DOCK1: variants seen among roughly 807,000 people sequenced by gnomAD.
DOCK1 encodes the protein dedicator of cytokinesis protein 1.
A neutral mutation model predicts 262.7 loss-of-function variants in DOCK1; 138 were observed. The ratio of observed to expected loss-of-function variants is 0.53; its 90% CI spans 0.46 to 0.61. DOCK1 has a LOEUF of 0.61. Among genes scored for constraint, DOCK1 ranks in the 20% least tolerant of loss-of-function variants. The pLI, the probability that DOCK1 is intolerant of heterozygous loss-of-function variation, is 0.00. For missense variants in DOCK1, 1,908 were observed against 2,370.7 expected (o/e 0.80, Z 4.05); for synonymous variants, 866 against 867.4 (o/e 1.00, Z 0.03).
chr10:127,191,596 A>C (rs761410377), intron 27 of DOCK1, among the ~76,000 whole-genome samples: 10 of 152,234 alleles, frequency 6.6e-5, no homozygotes, highest in Non-Finnish European at 1.3e-4. Context: ...AAAAACATGA[A>C]GAAGGACCAT....
At chr10:127,354,435 C>T (rs964470096) in intron 31 of DOCK1, among the ~76,000 whole-genome samples, 2 of 152,208 alleles carry the variant, frequency 1.3e-5, no homozygotes, top group Non-Finnish European at 2.9e-5. Context: ...AGTTCCTCCA[C>T]GTTCCCACCG....
chr10:126,947,034 A>C (rs985189117), intron 1 of DOCK1, among the ~76,000 whole-genome samples: 3 of 152,206 alleles, frequency 2.0e-5, no homozygotes, highest in Non-Finnish European at 4.4e-5. Flanking sequence ...GATGCGGTCC[A>C]AGGACTGGTA....
At chr10:127,354,287 G>A (rs2064028317) in intron 31 of DOCK1, among the ~76,000 whole-genome samples, 1 of 152,208 alleles carries the variant, frequency 6.6e-6, no homozygotes, top group South Asian at 2.1e-4. Context: ...ACTTTGGAAA[G>A]CAACCTGTTG....
chr10:127,052,925 C>A (rs2044841258), intron 22 of DOCK1, 110 bp downstream of exon 22: 6 of 1,464,508 alleles, frequency 4.1e-6, no homozygotes, highest in Non-Finnish European at 5.5e-6. Context: ...CTTCTTCCCC[C>A]TTTTTCCCCC....
At position 127,437,434 on chromosome 10, in the gene DOCK1, A is replaced by G. The variant is rs2069765944; in HGVS notation, c.5061-1593A>G. On this transcript the variant is annotated intron_variant, in intron 48 of 51. Coordinates refer to ENST00000623213, the MANE Select transcript of DOCK1 (RefSeq NM_001290223.2). This position sits in a 1 kb window ranked among gnomAD's most constrained non-coding sequence, Gnocchi z 4.4. ...GGGACACACAACATGGAAATAATCA[A>G]CAGTGAGCAAATCAATGGGGAGCAA... Among the ~76,000 whole-genome samples the G allele has an allele frequency of 1.3e-5, 2 of 151,768 alleles. No homozygotes were observed. Among genetic ancestry groups the G allele is most frequent in the South Asian group, 4.2e-4 (2 of 4,808 alleles).
At chr10:127,438,923 C>A in intron 48 of DOCK1, 104 bp from the exon 49 acceptor site, 1 of 1,235,154 alleles carries the variant, frequency 8.1e-7, no homozygotes, top group Non-Finnish European at 1.1e-6. Context: ...TAAATCACTG[C>A]TTTCATTGTA....
At chr10:127,032,525 C>G (rs1564748338) in intron 18 of DOCK1, among the ~76,000 whole-genome samples, 1 of 152,160 alleles carries the variant, frequency 6.6e-6, no homozygotes. Flanking sequence ...CACTTCTACT[C>G]TGGTCTAAGG....
At chr10:127,342,299 C>T (rs778441407) in intron 30 of DOCK1, among the ~76,000 whole-genome samples, 4 of 152,002 alleles carry the variant, frequency 2.6e-5, no homozygotes, top group East Asian at 1.9e-4. Flanking sequence ...ACAAAAGGAA[C>T]GACTTGTATT....
chr10:127,059,778 T>C (rs2045411189), intron 22 of DOCK1, among the ~76,000 whole-genome samples: 1 of 152,204 alleles, frequency 6.6e-6, no homozygotes, highest in African/African-American at 2.4e-5. Flanking sequence ...CTAGATTATC[T>C]GTGGGGCTGT....
intron 32 of DOCK1, among the ~76,000 whole-genome samples, chr10:127,360,917 G>A (rs777461600): frequency 1.3e-5 from 2 of 152,100 alleles, no homozygotes; most frequent in Admixed American, 6.5e-5. Flanking sequence ...TAACCATCTC[G>A]TAAGGTTACC....
chr10:127,190,725 C>CCA (rs1564888051), intron 27 of DOCK1, among the ~76,000 whole-genome samples: 1 of 134,766 alleles, frequency 7.4e-6, no homozygotes, highest in Non-Finnish European at 1.6e-5. Flanking sequence ...TTAAAATCCC[C>CCA]CACCGCCTTG....
intron 28 of DOCK1, among the ~76,000 whole-genome samples, chr10:127,253,927 G>A (rs1041455011): frequency 2.0e-5 from 3 of 147,294 alleles, no homozygotes; most frequent in Admixed American, 6.8e-5. Flanking sequence ...CAATTCATCC[G>A]TTGAAAGCAC....
chr10:127,091,218 C>T (rs1038538179), intron 23 of DOCK1, among the ~76,000 whole-genome samples: 16 of 152,102 alleles, frequency 1.1e-4, no homozygotes, highest in African/African-American at 3.6e-4. Flanking sequence ...CTCCTGACCT[C>T]GCGATCCGCC....
At chr10:127,439,528 A>G (rs560151364) in intron 49 of DOCK1, among the ~76,000 whole-genome samples, 78 of 152,308 alleles carry the variant, frequency 5.1e-4, no homozygotes, top group South Asian at 2.7e-3. Flanking sequence ...ACATGTCCTA[A>G]TATCCCAGAA....
At chr10:127,094,773 A>C (rs1228363945) in intron 23 of DOCK1, among the ~76,000 whole-genome samples, 2 of 152,166 alleles carry the variant, frequency 1.3e-5, no homozygotes, top group African/African-American at 2.4e-5. Context: ...CTGTTTGCAA[A>C]ACTATTTTCC....
intron 30 of DOCK1, among the ~76,000 whole-genome samples, chr10:127,339,629 G>GTT (rs2063338779): frequency 6.8e-6 from 1 of 146,018 alleles, no homozygotes; most frequent in South Asian, 2.2e-4. Context: ...GTGTGTTTGT[G>GTT]TGTGTGTGTG....
chr10:127,389,076 T>C (rs889619031), intron 38 of DOCK1, among the ~76,000 whole-genome samples: 1 of 152,226 alleles, frequency 6.6e-6, no homozygotes, highest in Non-Finnish European at 1.5e-5. Context: ...AGTTTCCTTC[T>C]TCCGTTAAAG....
At chr10:127,098,660 T>C (rs4313486) in intron 23 of DOCK1, among the ~76,000 whole-genome samples, 43,409 of 152,006 alleles carry the variant, frequency 0.29, 10,026 homozygotes, top group African/African-American at 0.64. Flanking sequence ...GCCCTGACCT[T>C]GTCTACCATG....
In DOCK1 at chr10:127,023,327, A is replaced by G; in HGVS notation, c.1452+3A>G. ...ATGAGGATGGGAAACGATTAGAGGTATTTATTGTGGCGAGGGCTCATCTGT... is the reference window on the plus strand; with the variant it reads ...ATGAGGATGGGAAACGATTAGAGGTGTTTATTGTGGCGAGGGCTCATCTGT... On this transcript the variant is annotated splice_donor_region_variant and intron_variant, in intron 14 of 51. Transcript: ENST00000623213. 6.2e-7 allele frequency: 1 copy of G among 1,613,658 alleles called. No individual in the cohort carries two copies. Among genetic ancestry groups the G allele is most frequent in the Non-Finnish European group, 8.5e-7 (1 of 1,179,760 alleles).
Sources: allele counts gnomAD v4.1 joint callset (sites outside exome capture counted in the v4.1 genomes callset), GRCh38; gene constraint gnomAD v4.1.1; non-coding constraint Gnocchi (gnomAD v3.1); transcripts MANE v1.5; gene names NCBI Gene and HGNC (gene_info 2026-07-23, HGNC 2026-07-21).